Variants in PPP3R1 observed in about 807,000 individuals in gnomAD.
PPP3R1 encodes protein phosphatase 3 regulatory subunit B, alpha.
PPP3R1 carries 5 observed loss-of-function variants against 22.6 expected under a neutral mutation model. That is an observed-to-expected ratio of 0.22 (90% CI 0.12 to 0.46). The LOEUF (loss-of-function observed/expected upper bound fraction) is 0.46, where lower values mean the gene tolerates loss of function less well. Among genes scored for constraint, PPP3R1 ranks in the 20% least tolerant of loss-of-function variants. PPP3R1 has a pLI of 0.99. For missense variants in PPP3R1, 61 were observed against 203.2 expected (o/e 0.30, Z 4.25); for synonymous variants, 56 against 65.2 (o/e 0.86, Z 0.68).
At chr2:68,235,023 C>T (rs1390744081) in intron 1 of PPP3R1, among the ~76,000 whole-genome samples, 1 of 151,942 alleles carries the variant, frequency 6.6e-6, no homozygotes, top group Admixed American at 6.5e-5. Flanking sequence ...TGGTGGAACA[C>T]AGAGGGAAAA....
rs1245686414 is a variant in PPP3R1, at chr2:68,194,666, A to G, written c.44-5976T>C. Reference sequence around the variant, plus strand: ...ATTAATACATACACACCAAGCTGCTATTCAACTGTTGGGATTAAAAGTAAA... The same window carrying G: ...ATTAATACATACACACCAAGCTGCTGTTCAACTGTTGGGATTAAAAGTAAA... On this transcript the variant is annotated intron_variant, in intron 2 of 5. Coordinates refer to ENST00000234310, the MANE Select transcript of PPP3R1 (RefSeq NM_000945.4). Among the ~76,000 whole-genome samples, 8 of 152,160 alleles carry G rather than the reference A, an allele frequency of 5.3e-5. No homozygotes were observed. In the East Asian group the frequency reaches 1.5e-3, roughly 29 times the overall value.
intron 2 of PPP3R1, among the ~76,000 whole-genome samples, chr2:68,202,828 A>T: frequency 1.1e-5 from 1 of 94,468 alleles, no homozygotes; most frequent in Non-Finnish European, 1.8e-5. Flanking sequence ...TTTGAGACGG[A>T]GTCTCGCTCT....
In PPP3R1 at chr2:68,217,096, T is replaced by C; in HGVS notation, c.39A>G (p.Ser13=). The part of the protein sequence containing the change: ...NEASYPLEMC[S]HFDADEIKRL... ...GGTAACAAGAATATGACTTACAGTG[T>C]GAGCACATTTCCAAAGGATAACTTG... Residue 13 remains serine (S), a synonymous_variant, in exon 2 of 6, where the codon TCA becomes TCG. Transcript: ENST00000234310. The C allele has an allele frequency of 6.3e-7, 1 of 1,592,784 alleles. No homozygotes were observed. The highest frequency in any genetic ancestry group is 8.6e-7 in the Non-Finnish European group (1 of 1,165,768).
At chr2:68,182,477 A>C (rs1674434969) in intron 5 of PPP3R1, among the ~76,000 whole-genome samples, 1 of 151,804 alleles carries the variant, frequency 6.6e-6, no homozygotes, top group Non-Finnish European at 1.5e-5. Flanking sequence ...CACTTCACAA[A>C]CTCTGTACCA....
At chr2:68,207,143 G>C (rs575735994) in intron 2 of PPP3R1, among the ~76,000 whole-genome samples, 6 of 151,426 alleles carry the variant, frequency 4.0e-5, no homozygotes, top group Non-Finnish European at 8.8e-5. Context: ...CAATGTGTGG[G>C]TGAACAAAAA....
intron 1 of PPP3R1, among the ~76,000 whole-genome samples, chr2:68,234,332 G>A (rs959539103): frequency 3.3e-5 from 5 of 151,034 alleles, no homozygotes; most frequent in Admixed American, 6.6e-5. Flanking sequence ...AACAGAGTGA[G>A]ACTCCGTCCA....
chr2:68,217,234 T>A, intron 1 of PPP3R1, 103 bp from the exon 2 acceptor site: 1 of 718,754 alleles, frequency 1.4e-6, no homozygotes, highest in South Asian at 2.0e-5. Context: ...AAATAAGCCA[T>A]AAACTAATAA....
In PPP3R1 at chr2:68,180,758, G is replaced by T. The variant is rs972551487; in HGVS notation, c.*205C>A. 4 of 524,688 alleles carry T rather than the reference G, an allele frequency of 7.6e-6. No individual in the cohort carries two copies. The highest frequency in any genetic ancestry group is 3.2e-5 in the East Asian group (1 of 31,460). The allele number at this position is 524,688 out of a possible 1,614,324, so 32.5% of individuals were successfully genotyped here. ...GCTCTTTTCATGTTGCTGTCCTTCA[G>T]ACTTTAAAGTGCTACACTGAGTTAT... On this transcript the variant is annotated 3_prime_UTR_variant, in exon 6 of 6. Transcript: ENST00000234310.
chr2:68,230,011 CATAT>C (rs1313748695), intron 1 of PPP3R1, among the ~76,000 whole-genome samples: 4 of 139,562 alleles, frequency 2.9e-5, no homozygotes, highest in Non-Finnish European at 4.6e-5. Context: ...CACACACACA[CATAT>C]ATATTTGGAG....
intron 2 of PPP3R1, among the ~76,000 whole-genome samples, chr2:68,210,519 T>C (rs1669457123): frequency 6.6e-6 from 1 of 152,236 alleles, no homozygotes; most frequent in Non-Finnish European, 1.5e-5. Context: ...GGATCATTAT[T>C]ATCTTCAAAT....
At chr2:68,240,144 T>C (rs1481436047) in intron 1 of PPP3R1, among the ~76,000 whole-genome samples, 1 of 152,208 alleles carries the variant, frequency 6.6e-6, no homozygotes, top group Non-Finnish European at 1.5e-5. Flanking sequence ...CAAGGAGCAT[T>C]TGTAATTTTA....
intron 1 of PPP3R1, among the ~76,000 whole-genome samples, chr2:68,229,166 T>C (rs541354672): frequency 2.2e-4 from 34 of 152,178 alleles, no homozygotes; most frequent in African/African-American, 8.2e-4. Context: ...TATGCCATCA[T>C]GCTCAGCTAA....
At chr2:68,197,345 T>C (rs1234583320) in intron 2 of PPP3R1, among the ~76,000 whole-genome samples, 2 of 152,220 alleles carry the variant, frequency 1.3e-5, no homozygotes, top group Non-Finnish European at 2.9e-5. Context: ...CTAATCCATG[T>C]TGTTGCATGT....
chr2:68,184,129 G>A (rs1365650750), intron 5 of PPP3R1, among the ~76,000 whole-genome samples: 1 of 152,172 alleles, frequency 6.6e-6, no homozygotes, highest in African/African-American at 2.4e-5. Context: ...ATAGGGTGCA[G>A]GAGAGAGAGC....
At position 68,235,016 on chromosome 2, in the gene PPP3R1, TG is replaced by T. The variant is rs529602394; in HGVS notation, c.3+17108del. Reference sequence around the variant, plus strand: ...TGTCCATAAAGATGTAACCTGATGGTGGAACACAGAGGGAAAATGTGAGACA... The same window carrying T: ...TGTCCATAAAGATGTAACCTGATGGTGAACACAGAGGGAAAATGTGAGACA... On this transcript the variant is annotated intron_variant, in intron 1 of 5. Coordinates refer to ENST00000234310, the MANE Select transcript of PPP3R1 (RefSeq NM_000945.4). 2.2e-3 allele frequency among the ~76,000 whole-genome samples: 338 copies of T among 152,192 alleles called. 3 individuals carry two copies. The highest frequency in any genetic ancestry group is 7.9e-3 in the African/African-American group (330 of 41,514).
intron 1 of PPP3R1, among the ~76,000 whole-genome samples, chr2:68,245,780 A>G (rs868760215): frequency 1.2e-4 from 18 of 152,208 alleles, no homozygotes; most frequent in Admixed American, 1.1e-3. Context: ...TGGTTCCCCA[A>G]TGGGACCAAA....
intron 1 of PPP3R1, among the ~76,000 whole-genome samples, chr2:68,249,803 T>C (rs1274777613): frequency 2.0e-5 from 3 of 152,136 alleles, no homozygotes; most frequent in African/African-American, 7.2e-5. Flanking sequence ...TGAGAGTACA[T>C]TTAAATCTTA....
At chr2:68,202,227 T>C (rs750213361) in intron 2 of PPP3R1, among the ~76,000 whole-genome samples, 7 of 152,224 alleles carry the variant, frequency 4.6e-5, no homozygotes, top group Non-Finnish European at 1.0e-4. Flanking sequence ...GCTAGACTTT[T>C]TCACTAGCTA....
intron 1 of PPP3R1, among the ~76,000 whole-genome samples, chr2:68,232,109 ATATATAT>A (rs1257389260): frequency 1.1e-5 from 1 of 91,278 alleles, no homozygotes. Context: ...AAAAAAAAAA[ATATATAT>A]ATATATATAC....
Sources: gnomAD v4.1 joint callset for allele counts (sites outside exome capture counted in the v4.1 genomes callset) on GRCh38, gnomAD v4.1.1 for gene constraint, MANE v1.5 for transcripts, NCBI Gene and HGNC (gene_info 2026-07-23, HGNC 2026-07-21) for gene names.